The following KCNIP1 variants were observed in gnomAD, a reference collection of about 807,000 sequenced individuals.
KCNIP1 encodes potassium voltage-gated channel interacting protein 1.
In KCNIP1, 18 loss-of-function variants were observed where a neutral mutation model predicts 33.0. That is an observed-to-expected ratio of 0.55 (90% confidence interval 0.38 to 0.81). The LOEUF (loss-of-function observed/expected upper bound fraction) is 0.81, where lower values mean the gene tolerates loss of function less well. KCNIP1 is among the 30% of genes least tolerant of loss of function. KCNIP1 has a pLI of 0.00. For synonymous variants in KCNIP1, 93 were observed against 98.3 expected (o/e 0.95, Z 0.32); for missense variants, 238 against 271.6 (o/e 0.88, Z 0.87).
chr5:170,672,035 A>G (rs1761946536), intron 1 of KCNIP1, among the ~76,000 whole-genome samples: 1 of 152,196 alleles, frequency 6.6e-6, no homozygotes, highest in Non-Finnish European at 1.5e-5. Context: ...TGGAGGCTTC[A>G]CTAAGGAGAT....
chr5:170,431,399 T>C (rs1399485556), intron 1 of KCNIP1, among the ~76,000 whole-genome samples: 1 of 152,218 alleles, frequency 6.6e-6, no homozygotes, highest in Non-Finnish European at 1.5e-5. Context: ...TCTCTCCTGA[T>C]AGGCTTTCCC....
chr5:170,724,246 G>A (rs1435884072), intron 5 of KCNIP1, among the ~76,000 whole-genome samples: 3 of 152,132 alleles, frequency 2.0e-5, no homozygotes, highest in Non-Finnish European at 4.4e-5. Flanking sequence ...GAAAATAGAG[G>A]AGGATGGAAC....
At chr5:170,395,733 T>TGA (rs895643262) in intron 1 of KCNIP1, among the ~76,000 whole-genome samples, 56 of 151,884 alleles carry the variant, frequency 3.7e-4, no homozygotes, top group African/African-American at 1.4e-3. Flanking sequence ...CCTTAGTGAG[T>TGA]GAGAGAGAGC....
At chr5:170,508,850 G>A (rs923732818) in intron 1 of KCNIP1, among the ~76,000 whole-genome samples, 1 of 152,082 alleles carries the variant, frequency 6.6e-6, no homozygotes, top group African/African-American at 2.4e-5. Flanking sequence ...CTTTTAAGGT[G>A]TACATTTTCT....
rs567217902 is a variant in KCNIP1 at position 170,428,662 on chromosome 5, C to T, written c.88+74698C>T. Among the ~76,000 whole-genome samples, 7 of 152,194 alleles carry T rather than the reference C, an allele frequency of 4.6e-5. No homozygotes were observed. The South Asian group carries it at 1.5e-3, about 32-fold the overall frequency. The stretch of plus-strand genomic sequence containing the variant: ...GCTGTGTCTGCTACAGACATCATAG[C>T]CTCACGAAACCACCTACACTAAAGC... On this transcript the variant is annotated intron_variant, in intron 1 of 7. Coordinates refer to the KCNIP1 transcript ENST00000377360.
chr5:170,649,087 A>G (rs989855793), intron 1 of KCNIP1, among the ~76,000 whole-genome samples: 5 of 152,186 alleles, frequency 3.3e-5, no homozygotes, highest in African/African-American at 1.2e-4. Flanking sequence ...TACTTTGTAA[A>G]TAGTTTGGAA....
intron 1 of KCNIP1, among the ~76,000 whole-genome samples, chr5:170,537,067 C>G (rs1004760335): frequency 6.6e-6 from 1 of 152,180 alleles, no homozygotes; most frequent in Admixed American, 6.5e-5. Flanking sequence ...CGGGACACCC[C>G]CTCAGGTCCG....
At chr5:170,522,138 A>T (rs1283507585) in intron 1 of KCNIP1, among the ~76,000 whole-genome samples, 3 of 152,184 alleles carry the variant, frequency 2.0e-5, no homozygotes, top group Non-Finnish European at 2.9e-5. Flanking sequence ...CCCAGGTACT[A>T]TGTGGTCATC....
intron 1 of KCNIP1, among the ~76,000 whole-genome samples, chr5:170,534,472 AGGAG>A (rs2113356271): frequency 1.5e-5 from 1 of 66,284 alleles, no homozygotes; most frequent in South Asian, 3.7e-4. Context: ...GAGAGGGAGA[AGGAG>A]GAGGAGGAGG....
chr5:170,509,783 G>A (rs1478987716), intron 1 of KCNIP1, among the ~76,000 whole-genome samples: 1 of 152,178 alleles, frequency 6.6e-6, no homozygotes, highest in African/African-American at 2.4e-5. Flanking sequence ...TATAAATTCA[G>A]TCAAGAAGAG....
At chr5:170,553,087 G>A (rs946148247) in intron 1 of KCNIP1, among the ~76,000 whole-genome samples, 4 of 152,208 alleles carry the variant, frequency 2.6e-5, no homozygotes, top group South Asian at 2.1e-4. Flanking sequence ...GGAGAGAGGA[G>A]GGGAAAATCG....
intron 1 of KCNIP1, among the ~76,000 whole-genome samples, chr5:170,382,090 C>T (rs1764266335): frequency 6.6e-6 from 1 of 152,168 alleles, no homozygotes; most frequent in African/African-American, 2.4e-5. Context: ...CAGCATCTCC[C>T]CTGCTGCAGG....
In KCNIP1 at chr5:170,504,674, G is replaced by A; in HGVS notation, c.61+41G>A. ...CCTTTTGTTCCCCTGTCTGGGCTTG[G>A]GGGTGCTAGGCGCCGAGGTGGGCTG... On this transcript the variant is annotated intron_variant, in intron 1 of 7. Coordinates refer to ENST00000328939, the MANE Select transcript of KCNIP1 (RefSeq NM_014592.4). The surrounding 1 kb of genome is among the most constrained non-coding windows in gnomAD (Gnocchi z 6.0). 1.3e-6 allele frequency: 2 copies of A among 1,570,612 alleles called. No homozygotes were observed. The highest frequency in any genetic ancestry group is 1.8e-6 in the Non-Finnish European group (2 of 1,140,968).
intron 1 of KCNIP1, among the ~76,000 whole-genome samples, chr5:170,592,996 A>T (rs1758317724): frequency 6.6e-6 from 1 of 152,142 alleles, no homozygotes; most frequent in Non-Finnish European, 1.5e-5. Context: ...AAGTCAGCAC[A>T]GACTATGGAT....
chr5:170,583,148 T>C (rs970978853), intron 1 of KCNIP1, among the ~76,000 whole-genome samples: 2 of 152,158 alleles, frequency 1.3e-5, no homozygotes, highest in African/African-American at 4.8e-5. Context: ...ATCGCTGCTT[T>C]TCCTGTACTG....
Position 170,659,981 on chromosome 5 carries a change from A to G in KCNIP1, c.62-58777A>G, listed in dbSNP as rs140183084. ...CTTATTCTGGCCTATTTCCTTAGGC[A>G]CATTAGCCCATCTAACCGTTTCCAT... On this transcript the variant is annotated intron_variant, in intron 1 of 7. Transcript: ENST00000328939. Among the ~76,000 whole-genome samples, 9 of 152,326 alleles carry G rather than the reference A, an allele frequency of 5.9e-5. No individual in the cohort carries two copies. The East Asian group carries it at 1.7e-3, about 29-fold the overall frequency.
chr5:170,465,179 C>A (rs1756582941), intron 1 of KCNIP1, among the ~76,000 whole-genome samples: 1 of 152,160 alleles, frequency 6.6e-6, no homozygotes, highest in Non-Finnish European at 1.5e-5. Context: ...GAGGAGGAGA[C>A]ACAAAATTTC....
At chr5:170,378,719 C>T (rs1561592853) in intron 1 of KCNIP1, 17 of 1,611,550 alleles carry the variant, frequency 1.1e-5, no homozygotes, top group Non-Finnish European at 1.4e-5. Flanking sequence ...TCTGGGCCGC[C>T]AGGATGGACA....
chr5:170,709,059 G>A (rs1763357239), intron 1 of KCNIP1, among the ~76,000 whole-genome samples: 1 of 152,082 alleles, frequency 6.6e-6, no homozygotes, highest in African/African-American at 2.4e-5. Context: ...TGACTTTATG[G>A]CCCAGGAAAT....
Sources: gnomAD v4.1 joint callset for allele counts (sites outside exome capture counted in the v4.1 genomes callset) on GRCh38, gnomAD v4.1.1 for gene constraint, Gnocchi (gnomAD v3.1) non-coding constraint, MANE v1.5 for transcripts, NCBI Gene and HGNC (gene_info 2026-07-23, HGNC 2026-07-21) for gene names.